The following BEAN1 variants were observed in gnomAD, a reference collection of about 807,000 sequenced individuals.
The protein encoded by BEAN1 is protein BEAN1.
BEAN1 carries 17 observed loss-of-function variants against 17.7 expected under a neutral mutation model. The ratio of observed to expected loss-of-function variants is 0.96; its 90% confidence interval spans 0.66 to 1.44. BEAN1 has a LOEUF of 1.44. Among genes scored for constraint, BEAN1 ranks in the 40% most tolerant of loss-of-function variants. The probability of loss-of-function intolerance (pLI) is 0.00; values close to 1 mark genes in which losing one functional copy is unlikely to be tolerated. For synonymous variants in BEAN1, 142 were observed against 151.8 expected, an observed-to-expected ratio of 0.94 and a Z score of 0.47; for missense variants, 359 against 374.1, an observed-to-expected ratio of 0.96 and a Z score of 0.33.
intron 2 of BEAN1, among the ~76,000 whole-genome samples, chr16:66,466,782 G>A (rs573075325): frequency 2.0e-5 from 3 of 152,016 alleles, no homozygotes; most frequent in East Asian, 3.9e-4. Context: ...TTGGTCAGGC[G>A]GGTCTCAACC....
chr16:66,437,705 A>G lies in BEAN1; in HGVS notation c.25+4A>G, dbSNP rs1272138759. The G allele has an allele frequency of 2.0e-6, 3 of 1,535,352 alleles. No individual in the cohort carries two copies. Among genetic ancestry groups the G allele is most frequent in the Admixed American group, 2.0e-5 (1 of 50,964 alleles). On this transcript the variant is annotated splice_donor_region_variant and intron_variant, in intron 2 of 4. Coordinates refer to ENST00000536005, the MANE Select transcript of BEAN1 (RefSeq NM_001178020.3). The stretch of plus-strand genomic sequence containing the variant: ...TCCTTCAAACGTCCCTGCCCCTGTA[A>G]GTTTCCTCCCCACATCCTTCCACCA...
At chr16:66,435,577 T>A (rs2142374909) in intron 1 of BEAN1, among the ~76,000 whole-genome samples, 1 of 152,226 alleles carries the variant, frequency 6.6e-6, no homozygotes, top group Admixed American at 6.5e-5. Flanking sequence ...AACCTCCACC[T>A]CCCAGGTTCA....
At chr16:66,450,552 C>T (rs1962634395) in intron 2 of BEAN1, among the ~76,000 whole-genome samples, 1 of 151,944 alleles carries the variant, frequency 6.6e-6, no homozygotes, top group Non-Finnish European at 1.5e-5. Context: ...CCTGTGTATA[C>T]AAACAAAATT....
chr16:66,490,415 A>AAAT (rs1486604763), intron 4 of BEAN1, among the ~76,000 whole-genome samples: 2 of 126,822 alleles, frequency 1.6e-5, no homozygotes, highest in African/African-American at 3.8e-5. Flanking sequence ...AAAATAAAAT[A>AAAT]AAATAAAATA....
chr16:66,461,879 G>C (rs752572314), intron 2 of BEAN1, among the ~76,000 whole-genome samples: 1 of 152,176 alleles, frequency 6.6e-6, no homozygotes, highest in Non-Finnish European at 1.5e-5. Flanking sequence ...GTGAGAGGAC[G>C]CATGACAGAG....
At chr16:66,467,809 G>T (rs1458051818) in intron 2 of BEAN1, among the ~76,000 whole-genome samples, 1 of 152,212 alleles carries the variant, frequency 6.6e-6, no homozygotes, top group Non-Finnish European at 1.5e-5. Flanking sequence ...CACTGGCCCA[G>T]ACACTAGAGC....
At chr16:66,482,951 G>A (rs1964030504), downstream of BEAN1, 1 of 454,768 alleles carries the variant, frequency 2.2e-6, no homozygotes, top group Non-Finnish European at 4.4e-6. Context: ...TGAACTCCTG[G>A]GCTCAAGTGA....
intron 2 of BEAN1, among the ~76,000 whole-genome samples, chr16:66,457,157 A>G (rs868177364): frequency 1.3e-4 from 20 of 152,210 alleles, no homozygotes; most frequent in Non-Finnish European, 2.2e-4. Flanking sequence ...AGTGTCTAGC[A>G]TATATCCAGG....
chr16:66,469,217 C>T (rs1260880074), intron 2 of BEAN1, among the ~76,000 whole-genome samples: 1 of 152,258 alleles, frequency 6.6e-6, no homozygotes, highest in Non-Finnish European at 1.5e-5. Context: ...TTGGTAAAAT[C>T]ATGTTGACCT....
At chr16:66,438,527 C>G (rs1459303817) in intron 2 of BEAN1, among the ~76,000 whole-genome samples, 1 of 152,182 alleles carries the variant, frequency 6.6e-6, no homozygotes, top group African/African-American at 2.4e-5. Context: ...GGGGTTTACT[C>G]TCCTAAGGAA....
At chr16:66,452,675 G>A (rs952270808) in intron 2 of BEAN1, among the ~76,000 whole-genome samples, 1 of 152,220 alleles carries the variant, frequency 6.6e-6, no homozygotes, top group Non-Finnish European at 1.5e-5. Flanking sequence ...ATTTCTAGAC[G>A]CTTTTTGCAG....
chr16:66,450,507 G>C (rs1962632802), intron 2 of BEAN1, among the ~76,000 whole-genome samples: 1 of 152,160 alleles, frequency 6.6e-6, no homozygotes, highest in Admixed American at 6.5e-5. Context: ...CTTGAGGCCA[G>C]GAGTTTGAGA....
intron 2 of BEAN1, among the ~76,000 whole-genome samples, chr16:66,461,444 T>A (rs1384318028): frequency 6.6e-6 from 1 of 152,164 alleles, no homozygotes; most frequent in Non-Finnish European, 1.5e-5. Flanking sequence ...AGCCTGGTGC[T>A]GCTAGACAAG....
intron 1 of BEAN1, among the ~76,000 whole-genome samples, chr16:66,436,429 G>A (rs868003220): frequency 2.7e-5 from 4 of 149,590 alleles, no homozygotes; most frequent in Non-Finnish European, 4.5e-5. Flanking sequence ...CACCATGCCC[G>A]GCTAATTTTT....
exon 5 of BEAN1, chr16:66,493,522 G>A (rs2142492158): frequency 1.7e-6 from 1 of 587,446 alleles, no homozygotes; most frequent in Middle Eastern, 4.5e-4. Flanking sequence ...TACACTGGAT[G>A]CCCTGGTTTC....
chr16:66,440,667 A>G (rs1375781925), intron 2 of BEAN1, among the ~76,000 whole-genome samples: 3 of 152,118 alleles, frequency 2.0e-5, no homozygotes, highest in South Asian at 4.2e-4. Flanking sequence ...TCTCAGCCTC[A>G]CCGCTTTCAG....
intron 2 of BEAN1, among the ~76,000 whole-genome samples, chr16:66,464,156 C>T (rs554114760): frequency 1.3e-5 from 2 of 152,244 alleles, no homozygotes; most frequent in African/African-American, 2.4e-5. Flanking sequence ...AAGATCATTT[C>T]GGTTTCTGCA....
intron 2 of BEAN1, among the ~76,000 whole-genome samples, chr16:66,467,057 A>G (rs1299798635): frequency 6.6e-6 from 1 of 152,208 alleles, no homozygotes. Flanking sequence ...TATCACAGGG[A>G]AAGGGTATAC....
intron 2 of BEAN1, among the ~76,000 whole-genome samples, chr16:66,452,027 G>A (rs930668244): frequency 6.6e-6 from 1 of 152,116 alleles, no homozygotes; most frequent in Non-Finnish European, 1.5e-5. Flanking sequence ...GATGGGGAGT[G>A]GGGGATAAAG....
Sources: allele counts gnomAD v4.1 joint callset (sites outside exome capture counted in the v4.1 genomes callset), GRCh38; gene constraint gnomAD v4.1.1; transcripts MANE v1.5; gene names NCBI Gene and HGNC (gene_info 2026-07-23, HGNC 2026-07-21).